GRIA2: variants seen among roughly 807,000 people sequenced by gnomAD.
GRIA2 encodes the protein glutamate ionotropic receptor AMPA type subunit 2, also known as glutamate receptor 2.
In GRIA2, 14 loss-of-function variants were observed where a neutral mutation model predicts 97.3. The observed-to-expected ratio is 0.14, with a 90% CI of 0.10 to 0.23. GRIA2 has a LOEUF of 0.23. GRIA2 is among the 10% of genes least tolerant of loss of function. GRIA2 has a pLI of 1.00. For missense variants in GRIA2, 558 were observed against 1,069.8 expected (o/e 0.52, Z 6.67); for synonymous variants, 412 against 387.8 (o/e 1.06, Z -0.73).
chr4:157,339,521 A>C (rs1735455487), intron 11 of GRIA2, among the ~76,000 whole-genome samples: 1 of 151,984 alleles, frequency 6.6e-6, no homozygotes, highest in Admixed American at 6.6e-5. Flanking sequence ...GTCCAATAAA[A>C]ATTTTTAGAT....
intron 4 of GRIA2, among the ~76,000 whole-genome samples, chr4:157,316,808 T>A (rs1734342635): frequency 6.6e-6 from 1 of 152,344 alleles, no homozygotes; most frequent in East Asian, 1.9e-4. Flanking sequence ...TCCACTGTTG[T>A]GATCATCTCC....
intron 2 of GRIA2, among the ~76,000 whole-genome samples, chr4:157,254,991 T>C (rs1731177500): frequency 6.6e-6 from 1 of 152,042 alleles, no homozygotes; most frequent in Admixed American, 6.6e-5. Context: ...ATATATTAGG[T>C]AGTGTTGAAG....
chr4:157,239,429 C>T (rs1365994204), intron 2 of GRIA2, among the ~76,000 whole-genome samples: 1 of 151,944 alleles, frequency 6.6e-6, no homozygotes, highest in Admixed American at 6.6e-5. Context: ...TTTCCACTAA[C>T]AGAGGAAGAC....
At chr4:157,363,219 C>A in intron 15 of GRIA2, 172 bp downstream of exon 15, 1 of 744,072 alleles carries the variant, frequency 1.3e-6, no homozygotes. Context: ...CTATTTTCCT[C>A]TTTAATGGCA....
At chr4:157,310,831 T>A (rs2126882195) in intron 3 of GRIA2, among the ~76,000 whole-genome samples, 1 of 152,210 alleles carries the variant, frequency 6.6e-6, no homozygotes, top group South Asian at 2.1e-4. Context: ...TAAAATATTT[T>A]CTTCTATATA....
intron 12 of GRIA2, among the ~76,000 whole-genome samples, chr4:157,356,059 AT>A (rs1736336273): frequency 8.7e-6 from 1 of 115,046 alleles, no homozygotes; most frequent in African/African-American, 3.4e-5. Context: ...ATTTATATAT[AT>A]TTATATATTT....
At chr4:157,245,597 CA>C (rs1258086297) in intron 2 of GRIA2, among the ~76,000 whole-genome samples, 2 of 151,826 alleles carry the variant, frequency 1.3e-5, no homozygotes, top group Admixed American at 6.6e-5. Context: ...AAATGAAATC[CA>C]ACTATAATAT....
chr4:157,310,493 A>G (rs898983767), intron 3 of GRIA2, among the ~76,000 whole-genome samples: 16 of 152,150 alleles, frequency 1.1e-4, no homozygotes, highest in Admixed American at 7.2e-4. Flanking sequence ...TTTATTAAAG[A>G]CTAGTATATG....
chr4:157,328,563 A>C (rs1360755016), intron 6 of GRIA2, among the ~76,000 whole-genome samples: 2 of 152,052 alleles, frequency 1.3e-5, no homozygotes, highest in Non-Finnish European at 2.9e-5. Flanking sequence ...GGATGTGTTC[A>C]ACCAACAAAA....
intron 3 of GRIA2, among the ~76,000 whole-genome samples, chr4:157,307,287 A>G (rs1437157186): frequency 6.6e-6 from 1 of 152,188 alleles, no homozygotes; most frequent in Non-Finnish European, 1.5e-5. Context: ...ATCTGCCACA[A>G]TGCTGAGCAA....
chr4:157,288,145 AAGC>A (rs1732930399), intron 2 of GRIA2, among the ~76,000 whole-genome samples: 1 of 151,700 alleles, frequency 6.6e-6, no homozygotes, highest in African/African-American at 2.4e-5. Flanking sequence ...ATTTTAGTAT[AAGC>A]AGAATCACAA....
chr4:157,307,992 G>C (rs896274754), intron 3 of GRIA2, among the ~76,000 whole-genome samples: 2 of 152,212 alleles, frequency 1.3e-5, no homozygotes, highest in Non-Finnish European at 2.9e-5. Flanking sequence ...TTATATGCTT[G>C]AAAGAATAAG....
chr4:157,264,036 C>G (rs1328151395), intron 2 of GRIA2, among the ~76,000 whole-genome samples: 1 of 151,700 alleles, frequency 6.6e-6, no homozygotes, highest in African/African-American at 2.4e-5. Context: ...CTAAATGGTC[C>G]CAAATGAAAA....
intron 2 of GRIA2, among the ~76,000 whole-genome samples, chr4:157,296,580 A>G (rs1363350317): frequency 3.3e-5 from 5 of 152,178 alleles, no homozygotes; most frequent in Non-Finnish European, 1.5e-5. Flanking sequence ...AAGAATTCTC[A>G]TGAGATAGAC....
chr4:157,311,412 T>C (rs1191172512), intron 3 of GRIA2, among the ~76,000 whole-genome samples: 1 of 152,058 alleles, frequency 6.6e-6, no homozygotes, highest in Non-Finnish European at 1.5e-5. Flanking sequence ...CTGATGGTTT[T>C]AGAGAGTTCC....
intron 2 of GRIA2, among the ~76,000 whole-genome samples, chr4:157,246,505 CT>C (rs1376309798): frequency 1.3e-5 from 2 of 151,838 alleles, no homozygotes; most frequent in Non-Finnish European, 2.9e-5. Context: ...ATTAGGTTAC[CT>C]TTGGTTCCAT....
intron 4 of GRIA2, among the ~76,000 whole-genome samples, chr4:157,316,534 A>AG (rs1734327567): frequency 6.6e-6 from 1 of 152,040 alleles, no homozygotes. Context: ...AGAGTTAATA[A>AG]GGCAAAGGAT....
chr4:157,307,741 G>T (rs968071064), intron 3 of GRIA2, among the ~76,000 whole-genome samples: 1 of 152,200 alleles, frequency 6.6e-6, no homozygotes, highest in African/African-American at 2.4e-5. Flanking sequence ...CAGAGAGTAG[G>T]TAAAAACAGA....
At chr4:157,236,109 C>G (rs750197392) in intron 2 of GRIA2, among the ~76,000 whole-genome samples, 1 of 151,904 alleles carries the variant, frequency 6.6e-6, no homozygotes, top group Non-Finnish European at 1.5e-5. Flanking sequence ...CAAAAATTAT[C>G]TAATAGAATT....
Sources: allele counts gnomAD v4.1 joint callset (sites outside exome capture counted in the v4.1 genomes callset), GRCh38; gene constraint gnomAD v4.1.1; transcripts MANE v1.5; gene names NCBI Gene and HGNC (gene_info 2026-07-23, HGNC 2026-07-21).